The following DLGAP2 variants were observed in gnomAD, a reference collection of about 807,000 sequenced individuals.
DLGAP2 encodes disks large-associated protein 2.
Under a neutral mutation model 100.3 loss-of-function variants are expected in DLGAP2, and 26 were observed. That is an observed-to-expected ratio of 0.26 (90% confidence interval 0.19 to 0.36). The LOEUF (loss-of-function observed/expected upper bound fraction) is 0.36, where lower values mean the gene tolerates loss of function less well. Among genes scored for constraint, DLGAP2 ranks in the 10% least tolerant of loss-of-function variants. The probability of loss-of-function intolerance (pLI) is 1.00; values close to 1 mark genes in which losing one functional copy is unlikely to be tolerated. For synonymous variants in DLGAP2, 886 were observed against 630.1 expected (o/e 1.41, Z -6.08); for missense variants, 1,858 against 1,453.2 (o/e 1.28, Z -4.53).
rs115064677 is a variant in DLGAP2 at position 988,841 on chromosome 8, C to T, written c.73+80875C>T. Among the ~76,000 whole-genome samples, 790 of 152,316 alleles carry T rather than the reference C, an allele frequency of 5.2e-3. 7 individuals carry two copies. The highest frequency in any genetic ancestry group is 0.017 in the African/African-American group (709 of 41,566). On this transcript the variant is annotated intron_variant, in intron 2 of 14. Transcript: ENST00000637795. ...TTTTCTGCATCATTTCCAAGCTCCACTGGTGGCACTGCTGTCCCACAGTCA... is the reference window on the plus strand; with the variant it reads ...TTTTCTGCATCATTTCCAAGCTCCATTGGTGGCACTGCTGTCCCACAGTCA...
intron 2 of DLGAP2, among the ~76,000 whole-genome samples, chr8:1,218,268 G>T (rs532041556): frequency 6.6e-6 from 1 of 152,276 alleles, no homozygotes; most frequent in Non-Finnish European, 1.5e-5. Context: ...TATTGTATAT[G>T]GTAAAAGGAA....
chr8:1,626,808 A>C lies in DLGAP2; in HGVS notation c.1511A>C (p.Asn504Thr), dbSNP rs780086050. The change falls in exon 7 of 15, where the codon AAC becomes ACC. Residue 504 changes from asparagine to threonine, a missense_variant. Transcript: ENST00000637795. ...AGCCTGGACCCCGCTGCGAACTACA[A>C]CTCCCCGAAATTCCGCTCCCGGAAC... ...GHSLDPAANY[N>T]SPKFRSRNQS... 31 of 1,604,436 alleles carry C rather than the reference A, an allele frequency of 1.9e-5. No homozygotes were observed. Among genetic ancestry groups the C allele is most frequent in the Non-Finnish European group, 2.2e-5 (26 of 1,175,968 alleles).
At chr8:1,128,226 G>A (rs1796212931) in intron 2 of DLGAP2, among the ~76,000 whole-genome samples, 1 of 151,044 alleles carries the variant, frequency 6.6e-6, no homozygotes, top group South Asian at 2.1e-4. Flanking sequence ...CCCATGTTGT[G>A]TTCGGTGAGG....
At chr8:869,601 A>G (rs911335629) in intron 1 of DLGAP2, among the ~76,000 whole-genome samples, 1 of 152,224 alleles carries the variant, frequency 6.6e-6, no homozygotes, top group Non-Finnish European at 1.5e-5. Context: ...GTCTTTTCCA[A>G]GGCTGGCAGC....
At chr8:1,165,890 T>A (rs937332150) in intron 2 of DLGAP2, among the ~76,000 whole-genome samples, 3 of 152,196 alleles carry the variant, frequency 2.0e-5, no homozygotes, top group Non-Finnish European at 2.9e-5. Flanking sequence ...GCTTCATAGA[T>A]GTGCCACTTT....
At chr8:1,648,118 T>C (rs1328312661) in intron 8 of DLGAP2, among the ~76,000 whole-genome samples, 3 of 152,208 alleles carry the variant, frequency 2.0e-5, no homozygotes, top group Non-Finnish European at 4.4e-5. Context: ...TAAATATTGG[T>C]TCAACGTATG....
intron 8 of DLGAP2, among the ~76,000 whole-genome samples, chr8:1,640,778 C>CCG (rs1010867220): frequency 2.0e-5 from 3 of 152,170 alleles, no homozygotes; most frequent in African/African-American, 7.2e-5. Flanking sequence ...CCCGCCCCCC[C>CCG]GCATCTAGAC....
chr8:1,594,139 G>T (rs375408862), intron 6 of DLGAP2, among the ~76,000 whole-genome samples: 1 of 152,180 alleles, frequency 6.6e-6, no homozygotes, highest in Non-Finnish European at 1.5e-5. Context: ...TGAATGATTG[G>T]TGGGGGTCTT....
chr8:1,455,158 C>T lies in DLGAP2; in HGVS notation c.107-46208C>T, dbSNP rs535264653. ...CCCTGTGAGCGGCTGGTCTGAGAGC[C>T]CGTCTAAAGCCCAGAGGGAGATGCT... On this transcript the variant is annotated intron_variant, in intron 3 of 14. Coordinates refer to ENST00000637795, the MANE Select transcript of DLGAP2 (RefSeq NM_001346810.2). Among the ~76,000 whole-genome samples the T allele has an allele frequency of 2.0e-5, 3 of 152,320 alleles. No homozygotes were observed. The South Asian group carries it at 6.2e-4, about 32-fold the overall frequency.
In DLGAP2 at chr8:1,177,008, G is replaced by A. The variant is rs185246927; in HGVS notation, c.74-81843G>A. ...GGCCAGGCTCTGGAAACTGGGAAAA[G>A]TCAGTCCTTGAGATCATCGTTGATG... On this transcript the variant is annotated intron_variant, in intron 2 of 14. Coordinates refer to ENST00000637795, the MANE Select transcript of DLGAP2 (RefSeq NM_001346810.2). 2.6e-3 allele frequency among the ~76,000 whole-genome samples: 402 copies of A among 152,328 alleles called. 9 individuals are homozygous for A. In the South Asian group the frequency reaches 0.039, roughly 15 times the overall value.
intron 2 of DLGAP2, among the ~76,000 whole-genome samples, chr8:1,031,521 G>A (rs1801972003): frequency 6.6e-6 from 1 of 151,962 alleles, no homozygotes; most frequent in Admixed American, 6.6e-5. Context: ...AAGTGATCCT[G>A]CCACCTCAGC....
At position 900,102 on chromosome 8, in the gene DLGAP2, G is replaced by T. The variant is rs975582398; in HGVS notation, c.19-7810G>T. ...GACAGAGGGCACTGGGTGGATGGTG[G>T]GCGGCCTCCTCTTCACGGCGTCGCT... On this transcript the variant is annotated intron_variant, in intron 1 of 14. Transcript: ENST00000637795. 6.6e-5 allele frequency among the ~76,000 whole-genome samples: 10 copies of T among 152,204 alleles called. No individual in the cohort carries two copies. The East Asian group carries it at 1.9e-3, about 29-fold the overall frequency.
intron 3 of DLGAP2, among the ~76,000 whole-genome samples, chr8:1,467,138 G>C (rs143604042): frequency 2.6e-5 from 4 of 151,622 alleles, no homozygotes; most frequent in Non-Finnish European, 5.9e-5. Flanking sequence ...GGGCCTGGGA[G>C]GGTCAGTCCC....
At chr8:1,558,399 C>G (rs982880381) in intron 5 of DLGAP2, among the ~76,000 whole-genome samples, 5 of 152,286 alleles carry the variant, frequency 3.3e-5, no homozygotes, top group African/African-American at 1.2e-4. Flanking sequence ...GCCTGGGGGA[C>G]ACACCTATGG....
chr8:1,346,239 C>T (rs1801552396), intron 3 of DLGAP2, among the ~76,000 whole-genome samples: 1 of 149,864 alleles, frequency 6.7e-6, no homozygotes, highest in Non-Finnish European at 1.5e-5. Flanking sequence ...TCCCCGTACA[C>T]ATCTGCATTG....
intron 2 of DLGAP2, among the ~76,000 whole-genome samples, chr8:1,201,755 GCCCT>G (rs1797878699): frequency 1.3e-5 from 2 of 152,198 alleles, no homozygotes; most frequent in African/African-American, 4.8e-5. Context: ...TGTGTGCTGT[GCCCT>G]CCCTCATCAC....
chr8:1,075,048 G>A (rs2129038119), intron 2 of DLGAP2, among the ~76,000 whole-genome samples: 1 of 152,160 alleles, frequency 6.6e-6, no homozygotes, highest in Admixed American at 6.5e-5. Context: ...TCTCACAACA[G>A]TGCAGCGGGG....
At chr8:1,290,105 G>A (rs1346738756) in intron 3 of DLGAP2, among the ~76,000 whole-genome samples, 1 of 152,194 alleles carries the variant, frequency 6.6e-6, no homozygotes, top group Non-Finnish European at 1.5e-5. Flanking sequence ...TACCTGGGCT[G>A]CAGGTGCTGA....
At chr8:1,371,791 A>C (rs1271543194) in intron 3 of DLGAP2, among the ~76,000 whole-genome samples, 1 of 152,126 alleles carries the variant, frequency 6.6e-6, no homozygotes, top group African/African-American at 2.4e-5. Context: ...CTCATATTCC[A>C]CGTGCATCGT....
Sources: gnomAD v4.1 joint callset for allele counts (sites outside exome capture counted in the v4.1 genomes callset) on GRCh38, gnomAD v4.1.1 for gene constraint, MANE v1.5 for transcripts, NCBI Gene and HGNC (gene_info 2026-07-23, HGNC 2026-07-21) for gene names.